ZNF385D: variants seen among roughly 807,000 people sequenced by gnomAD.
ZNF385D encodes zinc finger protein 659.
ZNF385D carries 15 observed loss-of-function variants against 35.8 expected under a neutral mutation model. That is an observed-to-expected ratio of 0.42 (90% CI 0.28 to 0.64). The LOEUF is 0.64. ZNF385D is among the 30% of genes least tolerant of loss of function. The pLI is 0.23. For missense variants in ZNF385D, 474 were observed against 494.6 expected, an observed-to-expected ratio of 0.96 and a Z score of 0.39; for synonymous variants, 212 against 186.8, an observed-to-expected ratio of 1.13 and a Z score of -1.10.
chr3:21,867,478 G>C (rs891703658), intron 3 of ZNF385D, among the ~76,000 whole-genome samples: 1 of 152,064 alleles, frequency 6.6e-6, no homozygotes, highest in African/African-American at 2.4e-5. Context: ...TTTCAAAGCA[G>C]GTTCTCCTGC....
intron 3 of ZNF385D, among the ~76,000 whole-genome samples, chr3:22,123,072 T>G (rs1703186038): frequency 6.6e-6 from 1 of 152,164 alleles, no homozygotes; most frequent in African/African-American, 2.4e-5. Flanking sequence ...AAGAATAGCA[T>G]CTGACATCTG....
intron 2 of ZNF385D, among the ~76,000 whole-genome samples, chr3:22,341,405 G>A (rs6778093): frequency 0.29 from 44,339 of 151,928 alleles, 7,013 homozygotes; most frequent in African/African-American, 0.37. Context: ...AGATCATAGG[G>A]CCCAGAATGC....
At chr3:22,223,201 C>T (rs985191169) in intron 2 of ZNF385D, among the ~76,000 whole-genome samples, 1 of 152,002 alleles carries the variant, frequency 6.6e-6, no homozygotes, top group East Asian at 1.9e-4. Context: ...ATGTGTTCAG[C>T]TCATCTTAAA....
intron 4 of ZNF385D, among the ~76,000 whole-genome samples, chr3:21,454,779 T>C (rs985359793): frequency 6.6e-6 from 1 of 152,044 alleles, no homozygotes; most frequent in Non-Finnish European, 1.5e-5. Context: ...TATTCAATTA[T>C]GAAAAGAGGA....
At chr3:22,029,885 G>A (rs1160515832) in intron 3 of ZNF385D, among the ~76,000 whole-genome samples, 1 of 151,968 alleles carries the variant, frequency 6.6e-6, no homozygotes, top group African/African-American at 2.4e-5. Flanking sequence ...GGTTAATACT[G>A]AGTATCAACT....
At chr3:22,237,833 G>A (rs990239625) in intron 2 of ZNF385D, among the ~76,000 whole-genome samples, 16 of 151,316 alleles carry the variant, frequency 1.1e-4, no homozygotes, top group Non-Finnish European at 1.9e-4. Context: ...TAGTAGAGGT[G>A]GGGTTTCACC....
chr3:21,432,273 T>A (rs1701326467), intron 5 of ZNF385D, among the ~76,000 whole-genome samples: 1 of 152,182 alleles, frequency 6.6e-6, no homozygotes, highest in Admixed American at 6.6e-5. Context: ...AATCTTATCC[T>A]TCTTTTTTAC....
intron 1 of ZNF385D, among the ~76,000 whole-genome samples, chr3:21,704,568 G>A (rs1575495453): frequency 6.6e-6 from 1 of 151,992 alleles, no homozygotes; most frequent in Non-Finnish European, 1.5e-5. Context: ...GAGTGCAGTG[G>A]TGTGATCTCG....
chr3:21,528,223 T>C (rs935956587), intron 3 of ZNF385D, among the ~76,000 whole-genome samples: 1 of 152,116 alleles, frequency 6.6e-6, no homozygotes, highest in Non-Finnish European at 1.5e-5. Flanking sequence ...TCTGACAGAG[T>C]ATAATTCCCA....
At chr3:21,521,923 G>C (rs1006026530) in intron 3 of ZNF385D, among the ~76,000 whole-genome samples, 3 of 152,054 alleles carry the variant, frequency 2.0e-5, no homozygotes, top group African/African-American at 7.2e-5. Flanking sequence ...TAGAATAATT[G>C]GCAAGAGCTT....
chr3:21,824,446 CT>C (rs1488461387), intron 3 of ZNF385D, among the ~76,000 whole-genome samples: 5 of 152,054 alleles, frequency 3.3e-5, no homozygotes, highest in Admixed American at 3.3e-4. Context: ...TAAAAGGTCT[CT>C]CCCTTTCTCT....
intron 2 of ZNF385D, among the ~76,000 whole-genome samples, chr3:21,571,908 C>T (rs2063346637): frequency 6.6e-6 from 1 of 152,040 alleles, no homozygotes; most frequent in East Asian, 1.9e-4. Flanking sequence ...GATGCATTAC[C>T]CTCCCTACAC....
intron 4 of ZNF385D, among the ~76,000 whole-genome samples, chr3:21,440,252 T>G (rs1165654178): frequency 2.0e-5 from 3 of 152,124 alleles, no homozygotes; most frequent in Non-Finnish European, 4.4e-5. Flanking sequence ...CACATTAAAA[T>G]AGAATCTTAA....
intron 3 of ZNF385D, among the ~76,000 whole-genome samples, chr3:21,956,950 G>T (rs891414284): frequency 4.6e-5 from 7 of 152,090 alleles, no homozygotes; most frequent in African/African-American, 1.7e-4. Context: ...GTCAACTTCA[G>T]TTGTATCTCC....
At chr3:22,306,708 G>A (rs1401793031) in intron 2 of ZNF385D, among the ~76,000 whole-genome samples, 3 of 152,102 alleles carry the variant, frequency 2.0e-5, no homozygotes, top group Admixed American at 6.6e-5. Flanking sequence ...CATGAGAATT[G>A]TCAGAGAGTT....
intron 3 of ZNF385D, among the ~76,000 whole-genome samples, chr3:22,016,763 A>G (rs963956505): frequency 3.3e-5 from 5 of 149,878 alleles, no homozygotes; most frequent in Non-Finnish European, 7.4e-5. Flanking sequence ...AAAGCACTGA[A>G]GTTTTGGGGG....
rs1390796300 is a variant in ZNF385D at position 21,819,475 on chromosome 3, AAC to A, written c.326-154449_326-154448del. 1.3e-4 allele frequency among the ~76,000 whole-genome samples: 19 copies of A among 151,456 alleles called. No homozygotes were observed. The East Asian group carries it at 3.3e-3, about 26-fold the overall frequency. On this transcript the variant is annotated intron_variant, in intron 3 of 5. Transcript: ENST00000494108. ...CAAAAAAAATCTAGGGCTGTTAATTAACACAATAAAAATTATGTTTTAAGAAA... is the reference window on the plus strand; with the variant it reads ...CAAAAAAAATCTAGGGCTGTTAATTAACAATAAAAATTATGTTTTAAGAAA...
At chr3:21,505,798 C>A (rs758619064) in intron 4 of ZNF385D, among the ~76,000 whole-genome samples, 2 of 152,108 alleles carry the variant, frequency 1.3e-5, no homozygotes, top group African/African-American at 4.8e-5. Flanking sequence ...GTCTCCACCC[C>A]AAAATGAACA....
rs58332425 is a variant in ZNF385D at position 21,621,554 on chromosome 3, C to CGTGTGTGTGTGTGTGTGTGT, written c.165+43312_165+43331dup. ...TGTCATCAGTTAAAAAAAAAATTCC[C>CGTGTGTGTGTGTGTGTGTGT]GTGTGTGTGTGTGTGTGTGTGTGTG... On this transcript the variant is annotated intron_variant, in intron 2 of 7. Transcript: ENST00000281523. 2.0e-3 allele frequency among the ~76,000 whole-genome samples: 273 copies of CGTGTGTGTGTGTGTGTGTGT among 136,984 alleles called. 3 individuals are homozygous for CGTGTGTGTGTGTGTGTGTGT. The highest frequency in any genetic ancestry group is 2.8e-3 in the Non-Finnish European group (182 of 64,598). 89.9% of individuals were successfully genotyped at this position (136,984 alleles called of 152,430 possible).
Sources: allele counts gnomAD v4.1 joint callset (sites outside exome capture counted in the v4.1 genomes callset), GRCh38; gene constraint gnomAD v4.1.1; transcripts MANE v1.5; gene names NCBI Gene and HGNC (gene_info 2026-07-23, HGNC 2026-07-21).